The following ERICH6B variants were observed in gnomAD, a reference collection of about 807,000 sequenced individuals.
ERICH6B encodes glutamate-rich protein 6B.
ERICH6B carries 69 observed loss-of-function variants against 80.0 expected under a neutral mutation model. The observed-to-expected ratio is 0.86, with a 90% CI of 0.71 to 1.05. The LOEUF is 1.05. Among genes scored for constraint, ERICH6B ranks in the 50% least tolerant of loss-of-function variants. The pLI is 0.00. For missense variants in ERICH6B, 754 were observed against 796.1 expected (o/e 0.95, Z 0.64); for synonymous variants, 283 against 291.9 (o/e 0.97, Z 0.31).
intron 3 of ERICH6B, among the ~76,000 whole-genome samples, chr13:45,592,809 A>G (rs1876209919): frequency 6.6e-6 from 1 of 152,190 alleles, no homozygotes; most frequent in South Asian, 2.1e-4. Flanking sequence ...TTCTTCTTGT[A>G]AGATTAGAAG....
intron 2 of ERICH6B, among the ~76,000 whole-genome samples, chr13:45,598,581 G>C (rs1876500235): frequency 6.6e-6 from 1 of 152,158 alleles, no homozygotes; most frequent in Non-Finnish European, 1.5e-5. Context: ...TGCAGCATGA[G>C]TCCAAGATGA....
At chr13:45,548,048 T>C (rs1182391934) in intron 13 of ERICH6B, among the ~76,000 whole-genome samples, 1 of 152,056 alleles carries the variant, frequency 6.6e-6, no homozygotes, top group Non-Finnish European at 1.5e-5. Flanking sequence ...GGACCCTGAG[T>C]TTGGGCAGGT....
chr13:45,575,031 C>CCTG, intron 7 of ERICH6B, 101 bp from the exon 8 acceptor site: 1 of 755,430 alleles, frequency 1.3e-6, no homozygotes, highest in South Asian at 1.8e-5. Flanking sequence ...TGGTATTTAC[C>CCTG]TTTGCCCTTC....
chr13:45,597,553 T>G (rs986296893), intron 2 of ERICH6B, among the ~76,000 whole-genome samples: 2 of 152,164 alleles, frequency 1.3e-5, no homozygotes, highest in Non-Finnish European at 2.9e-5. Context: ...AAGGCCCCTG[T>G]GGTCAGAAGT....
At chr13:45,561,323 A>G (rs1874664374) in intron 11 of ERICH6B, 46 bp downstream of exon 11, 2 of 1,534,370 alleles carry the variant, frequency 1.3e-6, no homozygotes, top group Non-Finnish European at 1.8e-6. Context: ...AGAGCCAAAA[A>G]AAATCCTGTG....
Position 45,568,321 on chromosome 13 carries a change from A to C in ERICH6B, c.1181T>G (p.Val394Gly). Residue 394 changes from valine (V) to glycine (G), a missense_variant, in exon 9 of 15, where the codon GTA becomes GGA. By Grantham distance (109) the Val-to-Gly change is moderately radical. Coordinates refer to ENST00000298738, the MANE Select transcript of ERICH6B (RefSeq NM_182542.3). ...GGCCTCACCAGTTACTTACATAATT[A>C]CCAGTTTCCATCTGTTTTCACTTTC... ...LLESENRWKLVIMLKKNYEKF... is the reference protein window; with the variant it reads ...LLESENRWKLGIMLKKNYEKF... The C allele has an allele frequency of 6.5e-7, 1 of 1,541,754 alleles. No individual in the cohort carries two copies. Among genetic ancestry groups the C allele is most frequent in the Non-Finnish European group, 8.7e-7 (1 of 1,143,624 alleles).
In ERICH6B at chr13:45,564,049, G is replaced by A. The variant is rs150147733; in HGVS notation, c.1188-261C>T. On this transcript the variant is annotated intron_variant, in intron 9 of 14. Transcript: ENST00000298738. ...AGCTGAACCCTAAACCCTTCGAAAC[G>A]AATTCAACTAGGGTAATCTTGGGGG... Among the ~76,000 whole-genome samples the A allele has an allele frequency of 1.5e-3, 236 of 152,316 alleles. 1 individual carries two copies. The East Asian group carries it at 0.017, about 11-fold the overall frequency.
chr13:45,555,723 G>T (rs1874410489), intron 11 of ERICH6B, among the ~76,000 whole-genome samples: 1 of 151,970 alleles, frequency 6.6e-6, no homozygotes, highest in African/African-American at 2.4e-5. Flanking sequence ...CCACTCAAAA[G>T]AAATACAAGG....
intron 4 of ERICH6B, among the ~76,000 whole-genome samples, chr13:45,590,215 C>T (rs1270263774): frequency 6.6e-6 from 1 of 151,338 alleles, no homozygotes; most frequent in Non-Finnish European, 1.5e-5. Flanking sequence ...TGTGCCAAGT[C>T]CTGTCACAAG....
intron 11 of ERICH6B, chr13:45,552,772 T>C (rs3014913): frequency 0.6 from 92,529 of 153,478 alleles, 30,066 homozygotes; most frequent in African/African-American, 0.84. Context: ...CAGTCATGAG[T>C]GATGGTTTAG....
chr13:45,587,920 A>T (rs1021119086), intron 4 of ERICH6B, among the ~76,000 whole-genome samples: 7 of 152,218 alleles, frequency 4.6e-5, no homozygotes, highest in African/African-American at 1.4e-4. Flanking sequence ...CCCAATTGGC[A>T]GAGATGGGAC....
Position 45,541,677 on chromosome 13 carries a change from C to T in ERICH6B, c.1876G>A (p.Val626Met), listed in dbSNP as rs778947218. ...ATTTCGCTCAGCACCTCTGGGATCA[C>T]AAACTGTGGGGATTCACAGAGGACT... Reference protein sequence around the residue: ...CLNLGTRYKFVIPEVLSEMKK... With the variant: ...CLNLGTRYKFMIPEVLSEMKK... The change falls in exon 15 of 15, where the codon GTG becomes ATG. Residue 626 changes from valine to methionine, a missense_variant. Transcript: ENST00000298738. The T allele has an allele frequency of 1.4e-5, 21 of 1,550,122 alleles. No individual in the cohort carries two copies. Among genetic ancestry groups the T allele is most frequent in the Non-Finnish European group, 1.7e-5 (20 of 1,146,992 alleles).
chr13:45,592,631 T>C (rs1876202263), intron 3 of ERICH6B, among the ~76,000 whole-genome samples: 1 of 152,230 alleles, frequency 6.6e-6, no homozygotes, highest in Non-Finnish European at 1.5e-5. Flanking sequence ...AAAATCAATG[T>C]ATTGTGACAT....
At chr13:45,593,771 T>C (rs563046013) in intron 3 of ERICH6B, among the ~76,000 whole-genome samples, 3 of 152,332 alleles carry the variant, frequency 2.0e-5, no homozygotes, top group South Asian at 2.1e-4. Flanking sequence ...CAGACATCAC[T>C]AGTTGCTCAC....
chr13:45,550,366 C>T (rs2137962231), intron 11 of ERICH6B, 50 bp from the exon 12 acceptor site: 2 of 1,455,214 alleles, frequency 1.4e-6, no homozygotes, highest in Non-Finnish European at 1.9e-6. Context: ...ACATGGGTAC[C>T]AACTGTCCTA....
intron 1 of ERICH6B, among the ~76,000 whole-genome samples, chr13:45,610,399 C>G (rs1237489103): frequency 6.6e-6 from 1 of 152,182 alleles, no homozygotes; most frequent in Non-Finnish European, 1.5e-5. Context: ...CCCAAACTAT[C>G]TTTGAAAATC....
At chr13:45,591,488 C>T (rs372142773) in intron 3 of ERICH6B, among the ~76,000 whole-genome samples, 31 of 152,084 alleles carry the variant, frequency 2.0e-4, no homozygotes, top group Admixed American at 1.8e-3. Context: ...CCCAGCTACT[C>T]GGGAGGCTGA....
intron 5 of ERICH6B, among the ~76,000 whole-genome samples, chr13:45,585,331 G>A (rs73466524): frequency 0.017 from 2,568 of 152,136 alleles, 107 homozygotes; most frequent in African/African-American, 0.058. Context: ...ACATACTTAT[G>A]GCATTTAATG....
chr13:45,610,962 A>G (rs567252899), intron 1 of ERICH6B, among the ~76,000 whole-genome samples: 41 of 152,138 alleles, frequency 2.7e-4, no homozygotes, highest in African/African-American at 8.4e-4. Context: ...AGAGACAACA[A>G]ATAGTTACTT....
Sources: gnomAD v4.1 joint callset for allele counts (sites outside exome capture counted in the v4.1 genomes callset) on GRCh38, gnomAD v4.1.1 for gene constraint, MANE v1.5 for transcripts, NCBI Gene and HGNC (gene_info 2026-07-23, HGNC 2026-07-21) for gene names.